CEP162: variants seen among roughly 807,000 people sequenced by gnomAD.
The protein encoded by CEP162 is centrosomal protein of 162 kDa.
A neutral mutation model predicts 169.2 loss-of-function variants in CEP162; 141 were observed. The ratio of observed to expected loss-of-function variants is 0.83; its 90% CI spans 0.73 to 0.96. CEP162 has a LOEUF of 0.96. Ranked by LOEUF, CEP162 falls within the 40% of genes least tolerant of loss-of-function variation. The probability of loss-of-function intolerance (pLI) is 0.00; values close to 1 mark genes in which losing one functional copy is unlikely to be tolerated. For synonymous variants in CEP162, 540 were observed against 526.4 expected, an observed-to-expected ratio of 1.03 and a Z score of -0.35; for missense variants, 1,600 against 1,587.2, an observed-to-expected ratio of 1.01 and a Z score of -0.14.
intron 3 of CEP162, among the ~76,000 whole-genome samples, chr6:84,218,919 C>A (rs916151047): frequency 2.0e-5 from 3 of 152,162 alleles, no homozygotes; most frequent in African/African-American, 7.2e-5. Flanking sequence ...TCACACTAAC[C>A]AAGTTCACAA....
intron 25 of CEP162, among the ~76,000 whole-genome samples, chr6:84,137,060 G>A (rs1223223602): frequency 1.3e-5 from 2 of 152,204 alleles, no homozygotes; most frequent in African/African-American, 4.8e-5. Flanking sequence ...GGTTCTTGTG[G>A]AGCATGCGGC....
Position 84,174,321 on chromosome 6 carries a change from A to T in CEP162, c.2026-133T>A, listed in dbSNP as rs1588793523. 5 of 782,674 alleles carry T rather than the reference A, an allele frequency of 6.4e-6. No homozygotes were observed. The East Asian group carries it at 1.4e-4, about 21-fold the overall frequency. The allele number at this position is 782,674 out of a possible 1,614,324, so 48.5% of individuals were successfully genotyped here. ...ATTGAACATATTAGAATGTGACATA[A>T]CTAGTTAAATCAGCAAAGTGCTGTT... On this transcript the variant is annotated intron_variant, in intron 15 of 26. Transcript: ENST00000403245.
chr6:84,185,769 T>C (rs1286040228), intron 12 of CEP162, among the ~76,000 whole-genome samples: 2 of 152,192 alleles, frequency 1.3e-5, no homozygotes, highest in Non-Finnish European at 2.9e-5. Flanking sequence ...ATTTGTTATC[T>C]GAACTTCTCA....
intron 25 of CEP162, among the ~76,000 whole-genome samples, chr6:84,133,840 C>T (rs139085655): frequency 0.038 from 5,822 of 152,168 alleles, 198 homozygotes; most frequent in African/African-American, 0.095. Flanking sequence ...TGCCCTGCTT[C>T]GGCTCACACT....
Position 84,215,910 on chromosome 6 carries a change from G to T in CEP162, c.185C>A (p.Thr62Lys), listed in dbSNP as rs752441892. Residue 62 changes from threonine to lysine, a missense_variant, in exon 4 of 27, where the codon ACA (threonine) becomes AAA (lysine). Physicochemically the swap from Thr to Lys is moderately conservative, Grantham distance 78. Coordinates refer to ENST00000403245, the MANE Select transcript of CEP162 (RefSeq NM_014895.4). ...DDFKDDGLLGTNVSYLKTKKT... is the reference protein window; with the variant it reads ...DDFKDDGLLGKNVSYLKTKKT... The stretch of plus-strand genomic sequence containing the variant: ...CTTTGTTTTCAAATAGCTCACATTT[G>T]TTCCAAGAAGTCCTAGGTACACAAT... The T allele has an allele frequency of 2.6e-5, 41 of 1,565,104 alleles. No homozygotes were observed. The highest frequency in any genetic ancestry group is 1.7e-4 in the Middle Eastern group (1 of 5,998).
At chr6:84,192,433 A>G (rs2099540307) in intron 11 of CEP162, among the ~76,000 whole-genome samples, 1 of 152,258 alleles carries the variant, frequency 6.6e-6, no homozygotes, top group African/African-American at 2.4e-5. Flanking sequence ...AACAGCAATG[A>G]TGAGTGGTAC....
intron 13 of CEP162, among the ~76,000 whole-genome samples, chr6:84,181,752 C>T (rs2099534920): frequency 6.6e-6 from 1 of 151,598 alleles, no homozygotes; most frequent in African/African-American, 2.4e-5. Context: ...AGAATTAAAT[C>T]CAAAAGCTGA....
intron 25 of CEP162, among the ~76,000 whole-genome samples, chr6:84,143,858 A>C (rs1027564783): frequency 1.3e-5 from 2 of 152,006 alleles, no homozygotes; most frequent in Non-Finnish European, 2.9e-5. Flanking sequence ...TTTATGTAGA[A>C]AGCAAAGATT....
At chr6:84,209,105 T>C (rs2099548458) in intron 6 of CEP162, among the ~76,000 whole-genome samples, 1 of 152,194 alleles carries the variant, frequency 6.6e-6, no homozygotes, top group Non-Finnish European at 1.5e-5. Context: ...TATGGCATAG[T>C]GCTTAAGAGC....
intron 22 of CEP162, among the ~76,000 whole-genome samples, chr6:84,153,574 C>G (rs183451299): frequency 4.5e-4 from 69 of 152,276 alleles, no homozygotes; most frequent in Admixed American, 8.5e-4. Context: ...CGGGAAACAG[C>G]ACATTTTCAA....
intron 21 of CEP162, among the ~76,000 whole-genome samples, chr6:84,158,214 T>G (rs1480788520): frequency 1.3e-5 from 2 of 152,198 alleles, no homozygotes; most frequent in Non-Finnish European, 2.9e-5. Flanking sequence ...GGCAGTCTAG[T>G]GTCAGTTAAG....
At position 84,132,273 on chromosome 6, in the gene CEP162, C is replaced by T. The variant is rs143779274; in HGVS notation, c.3871-5761G>A. Among the ~76,000 whole-genome samples, 1,154 of 152,288 alleles carry T rather than the reference C, an allele frequency of 7.6e-3. 18 individuals are homozygous for T. Among genetic ancestry groups the T allele is most frequent in the African/African-American group, 0.026 (1,089 of 41,548 alleles). On this transcript the variant is annotated intron_variant, in intron 25 of 26. Transcript: ENST00000403245. ...GACCTTTCATTCTGGCTGCCTTTAA[C>T]ATTTTTTTCCTTCATTTCAACTTTG...
chr6:84,148,282 A>G (rs905048089), intron 24 of CEP162, among the ~76,000 whole-genome samples: 2 of 152,092 alleles, frequency 1.3e-5, no homozygotes, highest in Non-Finnish European at 1.5e-5. Flanking sequence ...TTCAAATGCC[A>G]CTTTGGGAGG....
At chr6:84,138,030 A>C (rs1011511980) in intron 25 of CEP162, among the ~76,000 whole-genome samples, 4 of 152,240 alleles carry the variant, frequency 2.6e-5, no homozygotes, top group Non-Finnish European at 4.4e-5. Flanking sequence ...CTAAGTGGGA[A>C]TCATCTTTGC....
chr6:84,136,699 C>T (rs2099514243), intron 25 of CEP162, among the ~76,000 whole-genome samples: 1 of 152,086 alleles, frequency 6.6e-6, no homozygotes, highest in African/African-American at 2.4e-5. Flanking sequence ...CATCTGCTCA[C>T]TAAGTATTTA....
intron 9 of CEP162, among the ~76,000 whole-genome samples, chr6:84,195,310 TTC>T (rs1250002703): frequency 1.3e-5 from 2 of 152,222 alleles, no homozygotes; most frequent in African/African-American, 4.8e-5. Flanking sequence ...CTCGTCATTG[TTC>T]TTTCTCCTAC....
chr6:84,221,251 A>G, intron 2 of CEP162, 80 bp from the exon 3 acceptor site: 2 of 713,248 alleles, frequency 2.8e-6, no homozygotes, highest in Non-Finnish European at 4.9e-6. Flanking sequence ...GCATGTTTCT[A>G]TTAGTTCGCT....
At chr6:84,212,418 G>A (rs1333887495) in intron 6 of CEP162, among the ~76,000 whole-genome samples, 1 of 152,048 alleles carries the variant, frequency 6.6e-6, no homozygotes, top group Admixed American at 6.5e-5. Flanking sequence ...TGGTTGAGGA[G>A]AGTTTATTGT....
intron 9 of CEP162, among the ~76,000 whole-genome samples, chr6:84,198,276 T>C (rs944306787): frequency 6.6e-6 from 1 of 152,000 alleles, no homozygotes; most frequent in African/African-American, 2.4e-5. Context: ...TATTTTATTT[T>C]ATTTATTTAT....
Sources: gnomAD v4.1 joint callset for allele counts (sites outside exome capture counted in the v4.1 genomes callset) on GRCh38, gnomAD v4.1.1 for gene constraint, MANE v1.5 for transcripts, NCBI Gene and HGNC (gene_info 2026-07-23, HGNC 2026-07-21) for gene names.